The following DLD variants were observed in gnomAD, a reference collection of about 807,000 sequenced individuals.
DLD encodes the protein dihydrolipoamide dehydrogenase.
In DLD, 36 loss-of-function variants were observed where a neutral mutation model predicts 62.2. That is an observed-to-expected ratio of 0.58 (90% CI 0.44 to 0.76). The LOEUF (loss-of-function observed/expected upper bound fraction) is 0.76, where lower values mean the gene tolerates loss of function less well. Ranked by LOEUF, DLD falls within the 30% of genes least tolerant of loss-of-function variation. DLD has a pLI of 0.00. For missense variants in DLD, 541 were observed against 608.6 expected (o/e 0.89, Z 1.17); for synonymous variants, 204 against 199.6 (o/e 1.02, Z -0.19).
At chr7:107,891,170 A>G, upstream of DLD, 9 of 1,556,984 alleles carry the variant, frequency 5.8e-6, no homozygotes, top group Non-Finnish European at 8.0e-6. Context: ...GTGCATGCGC[A>G]GGGAGGGGAG....
Position 107,898,417 on chromosome 7 carries a change from G to T in DLD, c.119-3321G>T, listed in dbSNP as rs545317783. The stretch of plus-strand genomic sequence containing the variant: ...TGCCTCAGCCTCCCGAGTAGCTGGG[G>T]TTACAGGTGCTTGCCACCACGCCTG... On this transcript the variant is annotated intron_variant, in intron 2 of 13. Coordinates refer to ENST00000205402, the MANE Select transcript of DLD (RefSeq NM_000108.5). 5.8e-4 allele frequency among the ~76,000 whole-genome samples: 86 copies of T among 147,964 alleles called. 1 individual carries two copies. The East Asian group carries it at 0.017, about 28-fold the overall frequency.
At position 107,916,709 on chromosome 7, in the gene DLD, CTTGAGAAA is replaced by C. The variant is rs2032278174; in HGVS notation, c.876-81_876-74del. 2.2e-6 allele frequency: 3 copies of C among 1,351,360 alleles called. No homozygotes were observed. In the Admixed American group the frequency reaches 5.0e-5, roughly 23 times the overall value. The allele number at this position is 1,351,360 out of a possible 1,614,324, so 83.7% of individuals were successfully genotyped here. ...AACAAAAATGAAAATGTCATCAACA[CTTGAGAAA>C]TTGCTGGCCTTAAATTTCTAAGCCT... On this transcript the variant is annotated intron_variant, in intron 9 of 13. Transcript: ENST00000205402.
chr7:107,904,646 A>G (rs1277084605), intron 5 of DLD: 2 of 482,876 alleles, frequency 4.1e-6, no homozygotes, highest in Non-Finnish European at 4.0e-6. Context: ...TGTCATTTCT[A>G]CTTACATATC....
At chr7:107,892,739 G>A (rs917817494) in intron 1 of DLD, among the ~76,000 whole-genome samples, 12 of 151,966 alleles carry the variant, frequency 7.9e-5, no homozygotes, top group Non-Finnish European at 1.6e-4. Context: ...GTAGAGTCGG[G>A]GCTTCACTAT....
chr7:107,902,510 C>A, intron 4 of DLD, 117 bp downstream of exon 4: 1 of 875,990 alleles, frequency 1.1e-6, no homozygotes, highest in Non-Finnish European at 1.9e-6. Flanking sequence ...AGTTGTGGCA[C>A]ATTTCACACA....
intron 6 of DLD, 57 bp downstream of exon 6, chr7:107,905,115 T>G (rs1438310927): frequency 7.8e-7 from 1 of 1,275,994 alleles, no homozygotes; most frequent in African/African-American, 1.5e-5. Context: ...AAACTTTGCA[T>G]TATAGAGTGA....
chr7:107,915,754 CAA>C, intron 9 of DLD, 58 bp downstream of exon 9: 1 of 1,497,748 alleles, frequency 6.7e-7, no homozygotes, highest in Non-Finnish European at 9.2e-7. Flanking sequence ...GCAAAACACT[CAA>C]GTTTCAAAAT....
intron 8 of DLD, 145 bp downstream of exon 8, chr7:107,906,513 G>T: frequency 1.6e-6 from 1 of 641,636 alleles, no homozygotes; most frequent in Middle Eastern, 2.6e-4. Context: ...GTTTACTTTT[G>T]TTTTTTTCAA....
At chr7:107,907,417 C>T (rs1286339420) in intron 8 of DLD, among the ~76,000 whole-genome samples, 1 of 152,152 alleles carries the variant, frequency 6.6e-6, no homozygotes, top group Non-Finnish European at 1.5e-5. Flanking sequence ...TCTCAAATCT[C>T]TGCTTGTATA....
chr7:107,891,564 T>C (rs988801369), intron 1 of DLD: 2 of 584,986 alleles, frequency 3.4e-6, no homozygotes, highest in Non-Finnish European at 6.1e-6. Flanking sequence ...CCCCCAAGCC[T>C]GGGCCGAGGG....
chr7:107,911,338 T>G (rs1207845336), intron 8 of DLD, among the ~76,000 whole-genome samples: 2 of 152,220 alleles, frequency 1.3e-5, no homozygotes, highest in Non-Finnish European at 1.5e-5. Context: ...TTTATCTGGC[T>G]AAATATCTCA....
intron 8 of DLD, among the ~76,000 whole-genome samples, chr7:107,908,147 G>GTTT: frequency 7.1e-6 from 1 of 140,060 alleles, no homozygotes; most frequent in African/African-American, 2.5e-5. Flanking sequence ...TAGTATTTTT[G>GTTT]TTTTTCTTTT....
chr7:107,899,134 G>A (rs563348512), intron 2 of DLD, among the ~76,000 whole-genome samples: 41 of 152,020 alleles, frequency 2.7e-4, no homozygotes, highest in African/African-American at 8.7e-4. Flanking sequence ...GTGCTCATTC[G>A]TTTATCCATC....
chr7:107,907,817 CCAATT>C (rs1479994875), intron 8 of DLD, among the ~76,000 whole-genome samples: 1 of 152,224 alleles, frequency 6.6e-6, no homozygotes, highest in Admixed American at 6.5e-5. Context: ...TCTTGAGTTA[CCAATT>C]TTGTTCGCAC....
rs768843750 is a variant in DLD at position 107,919,890 on chromosome 7, G to A, written c.*631G>A. The A allele has an allele frequency of 6.6e-6, 1 of 152,474 alleles. No individual in the cohort carries two copies. Among genetic ancestry groups the A allele is most frequent in the African/African-American group, 2.4e-5 (1 of 41,420 alleles). The allele number at this position is 152,474 out of a possible 1,614,324, so 9.4% of individuals were successfully genotyped here. On this transcript the variant is annotated 3_prime_UTR_variant, in exon 14 of 14. Coordinates refer to ENST00000205402, the MANE Select transcript of DLD (RefSeq NM_000108.5). ...ACCCAAATTAAGAGAGTCTATTTAC[G>A]GAACTCAAATACGTGGGCATTCAAA...
At chr7:107,908,526 G>A (rs1584467173) in intron 8 of DLD, among the ~76,000 whole-genome samples, 1 of 151,788 alleles carries the variant, frequency 6.6e-6, no homozygotes, top group African/African-American at 2.4e-5. Flanking sequence ...AAATTAGTTG[G>A]GCATGGTGGT....
intron 3 of DLD, 96 bp from the exon 4 acceptor site, chr7:107,902,229 C>T (rs1371463309): frequency 4.7e-6 from 5 of 1,072,806 alleles, no homozygotes; most frequent in Non-Finnish European, 7.2e-6. Context: ...GCCCGAATAG[C>T]TTGTTTTGTA....
rs184949878 is a variant in DLD at position 107,919,110 on chromosome 7, A to G, written c.1464+11A>G. On this transcript the variant is annotated intron_variant, in intron 13 of 13. Transcript: ENST00000205402. ...TGTCATGCACATCCGGTAATTATTA[A>G]CAACATATAGAATTGATGGTTGCCT... 1.5e-4 allele frequency: 248 copies of G among 1,613,216 alleles called. No individual in the cohort carries two copies. The African/African-American group carries it at 2.9e-3, about 19-fold the overall frequency.
At chr7:107,896,768 T>C (rs972750031) in intron 2 of DLD, among the ~76,000 whole-genome samples, 6 of 152,188 alleles carry the variant, frequency 3.9e-5, no homozygotes, top group Non-Finnish European at 8.8e-5. Flanking sequence ...ATTTGGTAAT[T>C]AATGATTATT....
Sources: gnomAD v4.1 joint callset for allele counts (sites outside exome capture counted in the v4.1 genomes callset) on GRCh38, gnomAD v4.1.1 for gene constraint, MANE v1.5 for transcripts, NCBI Gene and HGNC (gene_info 2026-07-23, HGNC 2026-07-21) for gene names.